CASP1: variants seen among roughly 807,000 people sequenced by gnomAD.
The protein encoded by CASP1 is caspase 1.
CASP1 carries 31 observed loss-of-function variants against 41.2 expected under a neutral mutation model. That is an observed-to-expected ratio of 0.75 (90% confidence interval 0.57 to 1.02). The LOEUF is 1.02. CASP1 is among the 50% of genes least tolerant of loss of function. The probability of loss-of-function intolerance (pLI) is 0.00; values close to 1 mark genes in which losing one functional copy is unlikely to be tolerated. For synonymous variants in CASP1, 163 were observed against 166.5 expected (o/e 0.98, Z 0.16); for missense variants, 490 against 495.7 (o/e 0.99, Z 0.11).
In CASP1 at chr11:105,026,847, G is replaced by C; in HGVS notation, c.1111C>G (p.Arg371Gly). 6.4e-7 allele frequency: 1 copy of C among 1,566,236 alleles called. No individual in the cohort carries two copies. Residue 371 changes from arginine (R) to glycine (G), a missense_variant, in exon 8 of 9, where the codon CGC (arginine) becomes GGC (glycine). Physicochemically the swap from Arg to Gly is moderately radical, Grantham distance 125 (BLOSUM62 -2). Transcript: ENST00000533400. The stretch of plus-strand genomic sequence containing the variant: ...AGCATCCACTAGCATCTTACCTTGC[G>C]GAAAATTTCCTCCACATCACAGGAA... ...ACSCDVEEIF[R>G]KVRFSFEQPD...
chr11:105,026,428 G>A (rs1863289574), intron 8 of CASP1, 72 bp from the exon 9 acceptor site: 3 of 937,302 alleles, frequency 3.2e-6, no homozygotes, highest in Non-Finnish European at 5.0e-6. Context: ...CTTGAGTTAT[G>A]CCAAAAAACT....
At chr11:105,033,466 A>G (rs1378204753) in intron 2 of CASP1, among the ~76,000 whole-genome samples, 1 of 152,212 alleles carries the variant, frequency 6.6e-6, no homozygotes, top group Non-Finnish European at 1.5e-5. Context: ...TGCCACAGAC[A>G]TCAATGACTG....
chr11:105,029,994 G>T, intron 5 of CASP1, 95 bp from the exon 6 acceptor site: 2 of 980,714 alleles, frequency 2.0e-6, no homozygotes, highest in Non-Finnish European at 3.1e-6. Context: ...GTTTCTTAAG[G>T]AATTCCGTGA....
At chr11:105,035,297 TC>T (rs1165317060), upstream of CASP1, 2 of 769,198 alleles carry the variant, frequency 2.6e-6, no homozygotes, top group Admixed American at 4.8e-5. Context: ...TGGGAAATTT[TC>T]TTCACCAGCC....
At chr11:105,035,017 A>G in intron 1 of CASP1, 90 bp downstream of exon 1, 5 of 1,545,684 alleles carry the variant, frequency 3.2e-6, no homozygotes, top group South Asian at 1.1e-5. Context: ...GTAAACTTCC[A>G]CAGATGCTAA....
chr11:105,031,658 AT>A (rs1863707278), intron 3 of CASP1, among the ~76,000 whole-genome samples: 1 of 152,184 alleles, frequency 6.6e-6, no homozygotes, highest in African/African-American at 2.4e-5. Flanking sequence ...CTAGGATAAA[AT>A]TTAATGGGAT....
chr11:105,036,252 T>C (rs554175202), upstream of CASP1, among the ~76,000 whole-genome samples: 1 of 152,296 alleles, frequency 6.6e-6, no homozygotes, highest in African/African-American at 2.4e-5. Context: ...GTTTATCTTT[T>C]GTTAGAATCC....
chr11:105,036,241 A>G (rs948373605), upstream of CASP1, among the ~76,000 whole-genome samples: 3 of 152,152 alleles, frequency 2.0e-5, no homozygotes, highest in African/African-American at 4.8e-5. Flanking sequence ...TATTTAGCTA[A>G]GTTTATCTTT....
In CASP1 at chr11:105,025,523, C is replaced by T. The variant is rs1326426807; in HGVS notation, c.*735G>A. 1 of 412,566 alleles carries T rather than the reference C, an allele frequency of 2.4e-6. No individual in the cohort carries two copies. The highest frequency in any genetic ancestry group is 3.3e-5 in the Admixed American group (1 of 30,370). 25.6% of individuals were successfully genotyped at this position (412,566 alleles called of 1,614,324 possible). A position where few individuals can be genotyped will look rare whatever the true frequency, so the allele number is the denominator to read the frequency against. ...TGAGGACAAGTTTTCATTTTTCTAC[C>T]AGATTTATTATTTCAAAAAAGTTTA... On this transcript the variant is annotated 3_prime_UTR_variant, in exon 9 of 9. Coordinates refer to ENST00000533400, the MANE Select transcript of CASP1 (RefSeq NM_001257118.3).
intron 8 of CASP1, chr11:105,026,626 G>C: frequency 1.7e-6 from 1 of 601,312 alleles, no homozygotes; most frequent in Non-Finnish European, 2.9e-6. Context: ...GGCAGGAGCG[G>C]GGTGAAACTA....
chr11:105,035,262 T>A, upstream of CASP1: 1 of 1,092,222 alleles, frequency 9.2e-7, no homozygotes, highest in Non-Finnish European at 1.4e-6. Flanking sequence ...ATCAGAACTG[T>A]AGCCTGCATC....
chr11:105,033,282 G>A lies in CASP1; in HGVS notation c.275-156C>T, dbSNP rs866947237. Among the ~76,000 whole-genome samples, 13 of 152,150 alleles carry A rather than the reference G, an allele frequency of 8.5e-5. No individual in the cohort carries two copies. In the South Asian group the frequency reaches 1.2e-3, roughly 15 times the overall value. The stretch of plus-strand genomic sequence containing the variant: ...AAAGATGTTCTTTAATTTAGAGAGT[G>A]GTGGGAGGTAGAAAATGAAAGAGGC... On this transcript the variant is annotated intron_variant, in intron 2 of 8. Coordinates refer to ENST00000533400, the MANE Select transcript of CASP1 (RefSeq NM_001257118.3).
In CASP1 at chr11:105,026,951, TC is replaced by T; in HGVS notation, c.1007-1del. ...TGTGGGATGTCTCCAAGAAACATTA[TC>T]TATGGATAAAGCACATTTCAAATCT... On this transcript the variant is annotated splice_acceptor_variant, in intron 7 of 8. Transcript: ENST00000533400. LOFTEE classifies it high-confidence loss of function. The T allele has an allele frequency of 4.6e-6, 7 of 1,515,160 alleles. No individual in the cohort carries two copies. The highest frequency in any genetic ancestry group is 6.4e-6 in the Non-Finnish European group (7 of 1,090,140). 93.9% of individuals were successfully genotyped at this position (1,515,160 alleles called of 1,614,324 possible). A position where few individuals can be genotyped will look rare whatever the true frequency, so the allele number is the denominator to read the frequency against.
chr11:105,034,490 G>A lies in CASP1; in HGVS notation c.8-16C>T. On this transcript the variant is annotated splice_polypyrimidine_tract_variant and intron_variant, in intron 1 of 8. Transcript: ENST00000533400. Reference sequence around the variant, plus strand: ...AGGACCTTGTCTGTTTAGAGCACAAGGATTTCTCACATCATGAAAACAGCC... The same window carrying A: ...AGGACCTTGTCTGTTTAGAGCACAAAGATTTCTCACATCATGAAAACAGCC... The A allele has an allele frequency of 6.2e-7, 1 of 1,612,934 alleles. No homozygotes were observed. Among genetic ancestry groups the A allele is most frequent in the Non-Finnish European group, 8.5e-7 (1 of 1,179,130 alleles).
chr11:105,034,774 A>G lies in CASP1; in HGVS notation c.8-300T>C, dbSNP rs763244766. The G allele has an allele frequency of 1.3e-5, 8 of 603,754 alleles. No individual in the cohort carries two copies. The East Asian group carries it at 2.2e-4, about 17-fold the overall frequency. 37.4% of individuals were successfully genotyped at this position (603,754 alleles called of 1,614,324 possible). On this transcript the variant is annotated intron_variant, in intron 1 of 8. Transcript: ENST00000533400. ...TGGTTAATAAAGTAATGAAGCAGAA[A>G]TAGCCCATTTCATTTAGGAACCACT...
At chr11:105,034,063 G>A in intron 2 of CASP1, 145 bp downstream of exon 2, 1 of 1,314,546 alleles carries the variant, frequency 7.6e-7, no homozygotes, top group South Asian at 1.2e-5. Flanking sequence ...CAAGGGACAT[G>A]CAATAGGGAC....
chr11:105,030,857 A>T, intron 4 of CASP1: 1 of 351,768 alleles, frequency 2.8e-6, no homozygotes. Context: ...TGATCTCTAA[A>T]ATGGGTTGTG....
chr11:105,030,214 G>T, intron 5 of CASP1, 116 bp downstream of exon 5: 1 of 909,694 alleles, frequency 1.1e-6, no homozygotes, highest in Non-Finnish European at 1.7e-6. Context: ...CTCATGGCAA[G>T]TTTGTATTTT....
In CASP1 at chr11:105,029,881, C is replaced by G; in HGVS notation, c.646G>C (p.Glu216Gln). The stretch of plus-strand genomic sequence containing the variant: ...TGCTCTGGGCGGTGTGCAAATGCCT[C>G]CAGCTCTGTAGTCATGTCCTGAAAG... The part of the protein sequence containing the change: ...LTASDMTTEL[E>Q]AFAHRPEHKT... The change falls in exon 6 of 9, where the codon GAG becomes CAG. Residue 216 changes from glutamate (E) to glutamine (Q), a missense_variant. Physicochemically the swap from Glu to Gln is conservative, Grantham distance 29 (BLOSUM62 2). Transcript: ENST00000533400. The G allele has an allele frequency of 1.2e-6, 2 of 1,613,208 alleles. No homozygotes were observed. Among genetic ancestry groups the G allele is most frequent in the Non-Finnish European group, 1.7e-6 (2 of 1,179,288 alleles).
Sources: gnomAD v4.1 joint callset for allele counts (sites outside exome capture counted in the v4.1 genomes callset) on GRCh38, gnomAD v4.1.1 for gene constraint, MANE v1.5 for transcripts, NCBI Gene and HGNC (gene_info 2026-07-23, HGNC 2026-07-21) for gene names.